Variants in SEPTIN7 observed in about 807,000 individuals in gnomAD.
The protein encoded by SEPTIN7 is septin 7.
Under a neutral mutation model 63.3 loss-of-function variants are expected in SEPTIN7, and 10 were observed. The observed-to-expected ratio is 0.16, with a 90% CI of 0.10 to 0.27. The LOEUF (loss-of-function observed/expected upper bound fraction) is 0.27. Among genes scored for constraint, SEPTIN7 ranks in the 10% least tolerant of loss-of-function variants. SEPTIN7 has a pLI of 1.00. For missense variants in SEPTIN7, 310 were observed against 521.0 expected, an observed-to-expected ratio of 0.59 and a Z score of 3.94; for synonymous variants, 131 against 165.3, an observed-to-expected ratio of 0.79 and a Z score of 1.59.
At chr7:35,888,188 G>A (rs1235644690) in intron 10 of SEPTIN7, among the ~76,000 whole-genome samples, 2 of 152,138 alleles carry the variant, frequency 1.3e-5, no homozygotes, top group Non-Finnish European at 2.9e-5. Flanking sequence ...ACAAATTCCT[G>A]AAACTGTGGG....
chr7:35,890,640 G>T, intron 10 of SEPTIN7, 28 bp from the exon 11 acceptor site: 1 of 1,421,216 alleles, frequency 7.0e-7, no homozygotes, highest in Non-Finnish European at 9.2e-7. Context: ...ATTAATAGAA[G>T]CAAACTCTTG....
At chr7:35,828,587 C>T (rs1583518479) in intron 1 of SEPTIN7, among the ~76,000 whole-genome samples, 1 of 152,268 alleles carries the variant, frequency 6.6e-6, no homozygotes, top group East Asian at 1.9e-4. Context: ...CCATGTTGGC[C>T]AAGATGTTCT....
chr7:35,863,363 A>G (rs1266179745), intron 3 of SEPTIN7, among the ~76,000 whole-genome samples, 189 bp from the exon 4 acceptor site: 1 of 152,182 alleles, frequency 6.6e-6, no homozygotes, highest in Admixed American at 6.5e-5. Context: ...CCCTGGAAAC[A>G]TGAGTCTGAT....
At chr7:35,868,204 T>A (rs1785936496) in intron 4 of SEPTIN7, among the ~76,000 whole-genome samples, 4 of 151,964 alleles carry the variant, frequency 2.6e-5, no homozygotes, top group Admixed American at 2.6e-4. Context: ...ACTCTGTAGA[T>A]GAAGTGGGTG....
intron 6 of SEPTIN7, among the ~76,000 whole-genome samples, chr7:35,877,740 T>A (rs560005925): frequency 8.3e-4 from 126 of 152,324 alleles, no homozygotes; most frequent in African/African-American, 2.8e-3. Context: ...CTTACTTTTT[T>A]TGTCAACAAA....
At chr7:35,837,375 T>C (rs1398723008) in intron 3 of SEPTIN7, among the ~76,000 whole-genome samples, 1 of 152,220 alleles carries the variant, frequency 6.6e-6, no homozygotes, top group Non-Finnish European at 1.5e-5. Context: ...TTGTAGACTT[T>C]AATGGCCTGT....
chr7:35,909,525 G>A (rs1021468968), downstream of SEPTIN7, among the ~76,000 whole-genome samples: 10 of 152,152 alleles, frequency 6.6e-5, no homozygotes, highest in East Asian at 1.2e-3. Flanking sequence ...CACCAAATGC[G>A]AATGTTTTAG....
At chr7:35,845,091 G>C (rs556230085) in intron 3 of SEPTIN7, among the ~76,000 whole-genome samples, 1 of 151,958 alleles carries the variant, frequency 6.6e-6, no homozygotes, top group East Asian at 1.9e-4. Flanking sequence ...TAAAAGAGCT[G>C]TGGTAGGGTT....
Position 35,879,925 on chromosome 7 carries a change from A to G in SEPTIN7, c.615A>G (p.Gln205=). ...ACACACTCACACCAGAGGAATGCCA[A>G]CAGTTTAAAAAACAGGTGAGCAGGA... is the stretch of plus-strand genomic sequence containing the variant. ...KADTLTPEEC[Q]QFKKQIMKEI... The change falls in exon 7 of 14, where the codon CAA becomes CAG. Residue 205 remains glutamine, a synonymous_variant. Transcript: ENST00000350320. 6.3e-7 allele frequency: 1 copy of G among 1,584,570 alleles called. No homozygotes were observed. Among genetic ancestry groups the G allele is most frequent in the Non-Finnish European group, 8.6e-7 (1 of 1,161,810 alleles).
chr7:35,846,635 A>G (rs1025803458), intron 3 of SEPTIN7: 1 of 152,472 alleles, frequency 6.6e-6, no homozygotes, highest in African/African-American at 2.4e-5. Context: ...GCCCACCTGT[A>G]TTACCCCACC....
At chr7:35,872,505 C>T (rs187174660) in intron 4 of SEPTIN7, among the ~76,000 whole-genome samples, 161 bp from the exon 5 acceptor site, 41 of 152,194 alleles carry the variant, frequency 2.7e-4, no homozygotes, top group African/African-American at 7.7e-4. Flanking sequence ...TTCCAATGCC[C>T]GCTATCATCA....
intron 3 of SEPTIN7, among the ~76,000 whole-genome samples, chr7:35,850,608 A>T (rs1562548039): frequency 1.3e-5 from 2 of 152,184 alleles, no homozygotes; most frequent in African/African-American, 4.8e-5. Flanking sequence ...TATTGAAATG[A>T]TACTCCATCT....
chr7:35,860,911 T>G (rs1402954428), intron 3 of SEPTIN7, among the ~76,000 whole-genome samples: 1 of 152,218 alleles, frequency 6.6e-6, no homozygotes, highest in Non-Finnish European at 1.5e-5. Context: ...TTCCTTCATG[T>G]AATCTCTGTT....
intron 4 of SEPTIN7, among the ~76,000 whole-genome samples, chr7:35,872,119 T>G (rs1786189539): frequency 6.6e-6 from 1 of 152,130 alleles, no homozygotes; most frequent in African/African-American, 2.4e-5. Context: ...ATCCTAGCCA[T>G]AACATAAATA....
chr7:35,913,729 A>G, the SEPTIN7 span, among the ~76,000 whole-genome samples: 1 of 152,070 alleles, frequency 6.6e-6, no homozygotes, highest in African/African-American at 2.4e-5. Flanking sequence ...AGCTGGGACT[A>G]CAGATGCATG....
At chr7:35,825,989 C>G (rs1339734153) in intron 1 of SEPTIN7, among the ~76,000 whole-genome samples, 3 of 151,972 alleles carry the variant, frequency 2.0e-5, no homozygotes, top group Non-Finnish European at 4.4e-5. Context: ...GGTTATGAAC[C>G]TTTAAAATAG....
chr7:35,855,564 A>G (rs1210049705), intron 3 of SEPTIN7, among the ~76,000 whole-genome samples: 2 of 152,178 alleles, frequency 1.3e-5, no homozygotes, highest in East Asian at 3.8e-4. Context: ...CAAATACTTT[A>G]GTCAGATCTC....
downstream of SEPTIN7, among the ~76,000 whole-genome samples, chr7:35,907,273 C>T (rs749326125): frequency 2.6e-5 from 4 of 152,144 alleles, no homozygotes; most frequent in Admixed American, 1.3e-4. Flanking sequence ...AATCGAAGTC[C>T]TTTCTAATAA....
chr7:35,841,114 A>C (rs1481940836), intron 3 of SEPTIN7, among the ~76,000 whole-genome samples: 1 of 152,108 alleles, frequency 6.6e-6, no homozygotes, highest in Non-Finnish European at 1.5e-5. Context: ...CTAGCTACTC[A>C]GGAGGCTGAG....
Sources: allele counts gnomAD v4.1 joint callset (sites outside exome capture counted in the v4.1 genomes callset), GRCh38; gene constraint gnomAD v4.1.1; transcripts MANE v1.5; gene names NCBI Gene and HGNC (gene_info 2026-07-23, HGNC 2026-07-21).